The following ARHGEF4 variants were observed in gnomAD, a reference collection of about 807,000 sequenced individuals.
ARHGEF4 encodes Rho guanine nucleotide exchange factor 4.
A neutral mutation model predicts 162.0 loss-of-function variants in ARHGEF4; 119 were observed. The ratio of observed to expected loss-of-function variants is 0.73; its 90% confidence interval spans 0.63 to 0.86. The LOEUF (loss-of-function observed/expected upper bound fraction) is 0.86. Ranked by LOEUF, ARHGEF4 falls within the 40% of genes least tolerant of loss-of-function variation. The pLI, the probability that ARHGEF4 is intolerant of heterozygous loss-of-function variation, is 0.00. For missense variants in ARHGEF4, 2,488 were observed against 2,456.0 expected, an observed-to-expected ratio of 1.01 and a Z score of -0.28; for synonymous variants, 1,014 against 979.9, an observed-to-expected ratio of 1.03 and a Z score of -0.65.
chr2:131,025,183 G>A (rs76726376), intron 4 of ARHGEF4, among the ~76,000 whole-genome samples: 6,893 of 152,278 alleles, frequency 0.045, 141 homozygotes, highest in Non-Finnish European at 0.058. Flanking sequence ...AGATCACAGC[G>A]GAAGGTGAAG....
chr2:131,006,211 G>A (rs929164122), intron 4 of ARHGEF4, among the ~76,000 whole-genome samples: 2 of 152,132 alleles, frequency 1.3e-5, no homozygotes, highest in Non-Finnish European at 2.9e-5. Flanking sequence ...ATGAGACTGC[G>A]AGTTGATTCA....
At chr2:131,031,536 G>A (rs549444501) in intron 5 of ARHGEF4, among the ~76,000 whole-genome samples, 4 of 152,244 alleles carry the variant, frequency 2.6e-5, no homozygotes, top group African/African-American at 7.2e-5. Context: ...CCCACAGGCC[G>A]TGTCTGTGTG....
At chr2:130,940,069 A>G (rs536885412) in intron 3 of ARHGEF4, among the ~76,000 whole-genome samples, 30 of 152,210 alleles carry the variant, frequency 2.0e-4, no homozygotes, top group African/African-American at 6.7e-4. Flanking sequence ...TCTAGTGTGT[A>G]TTCTTTTTAT....
chr2:131,039,757 G>A (rs573687737), intron 6 of ARHGEF4: 4 of 1,369,196 alleles, frequency 2.9e-6, no homozygotes, highest in African/African-American at 1.5e-5. Flanking sequence ...CCTCTGTGCC[G>A]GGCACAAGCA....
intron 8 of ARHGEF4, among the ~76,000 whole-genome samples, chr2:131,040,742 A>G (rs939564568): frequency 2.0e-5 from 3 of 152,330 alleles, no homozygotes; most frequent in African/African-American, 7.2e-5. Flanking sequence ...GGGGCTGTTC[A>G]GAGTGAGCTC....
intron 1 of ARHGEF4, among the ~76,000 whole-genome samples, chr2:130,905,058 G>A (rs1212202567): frequency 2.0e-5 from 3 of 152,182 alleles, no homozygotes; most frequent in African/African-American, 7.2e-5. Context: ...CAGCCTAGGC[G>A]ACAGAGTGAG....
Position 130,912,242 on chromosome 2 carries a change from C to CT in ARHGEF4, c.40-1743dup, listed in dbSNP as rs566055205. Among the ~76,000 whole-genome samples the CT allele has an allele frequency of 8.7e-4, 133 of 152,370 alleles. 4 individuals are homozygous for CT. The South Asian group carries it at 0.018, about 20-fold the overall frequency. ...TGGGAGGTAGGCACGCTGAAGGCGT[C>CT]TGGCCCTGCCGTACAGTCAGGGCGC... On this transcript the variant is annotated intron_variant, in intron 1 of 13. Transcript: ENST00000409359.
intron 1 of ARHGEF4, among the ~76,000 whole-genome samples, chr2:130,866,756 C>G (rs1160614179): frequency 6.6e-6 from 1 of 152,152 alleles, no homozygotes. Flanking sequence ...TCTTTTGATA[C>G]ATTGGTGGAT....
chr2:130,952,130 G>A (rs1683995426), intron 4 of ARHGEF4, among the ~76,000 whole-genome samples: 1 of 152,024 alleles, frequency 6.6e-6, no homozygotes, highest in Non-Finnish European at 1.5e-5. Context: ...TTGTATTCAT[G>A]TGGATTTACA....
At chr2:131,021,357 C>T (rs996490178) in intron 4 of ARHGEF4, among the ~76,000 whole-genome samples, 2 of 152,056 alleles carry the variant, frequency 1.3e-5, no homozygotes, top group Admixed American at 6.5e-5. Flanking sequence ...TTTGACAAAC[C>T]TGACAAAAAC....
chr2:130,867,906 G>A (rs1201331384), intron 1 of ARHGEF4, among the ~76,000 whole-genome samples: 3 of 151,688 alleles, frequency 2.0e-5, no homozygotes, highest in Non-Finnish European at 4.4e-5. Flanking sequence ...GTGGGAGCAA[G>A]GTGGATGTGT....
Position 130,983,332 on chromosome 2 carries a change from A to G in ARHGEF4, c.3985+36697A>G, listed in dbSNP as rs920848024. Among the ~76,000 whole-genome samples, 11 of 152,372 alleles carry G rather than the reference A, an allele frequency of 7.2e-5. No homozygotes were observed. The East Asian group carries it at 2.1e-3, about 29-fold the overall frequency. Reference sequence around the variant, plus strand: ...GGCATTGTCACTAATAACTCAGAAGATTCAGCTGTTTTCATTAAACCAATA... The same window carrying G: ...GGCATTGTCACTAATAACTCAGAAGGTTCAGCTGTTTTCATTAAACCAATA... On this transcript the variant is annotated intron_variant, in intron 4 of 13. Coordinates refer to ENST00000409359, the MANE Select transcript of ARHGEF4 (RefSeq NM_001367493.1).
chr2:130,962,627 G>C (rs759580496), intron 4 of ARHGEF4, among the ~76,000 whole-genome samples: 2 of 152,146 alleles, frequency 1.3e-5, no homozygotes, highest in Non-Finnish European at 2.9e-5. Flanking sequence ...ACAGGAAATG[G>C]ACCCCAGTGG....
intron 2 of ARHGEF4, among the ~76,000 whole-genome samples, 162 bp downstream of exon 2, chr2:130,917,660 G>C (rs1038647428): frequency 1.5e-4 from 23 of 151,754 alleles, no homozygotes; most frequent in Non-Finnish European, 3.1e-4. Flanking sequence ...TGAACACAGC[G>C]GGTGACCAAC....
chr2:130,998,697 AGTTT>A (rs1233427142), intron 4 of ARHGEF4, among the ~76,000 whole-genome samples: 2 of 152,126 alleles, frequency 1.3e-5, no homozygotes, highest in African/African-American at 2.4e-5. Context: ...TATGTATCAC[AGTTT>A]GTTTATCCAT....
intron 9 of ARHGEF4, 77 bp downstream of exon 9, chr2:131,041,539 T>C: frequency 2.2e-6 from 3 of 1,390,344 alleles, no homozygotes; most frequent in Non-Finnish European, 2.9e-6. Context: ...ATTAGCAGTG[T>C]GCTGGGCACT....
intron 2 of ARHGEF4, among the ~76,000 whole-genome samples, chr2:130,921,322 C>T (rs1016319539): frequency 6.6e-6 from 1 of 152,062 alleles, no homozygotes; most frequent in Admixed American, 6.6e-5. Flanking sequence ...TGAATTGCTC[C>T]GAATCATCAT....
At chr2:130,999,565 T>A (rs1558831428) in intron 4 of ARHGEF4, among the ~76,000 whole-genome samples, 1 of 152,240 alleles carries the variant, frequency 6.6e-6, no homozygotes, top group Non-Finnish European at 1.5e-5. Context: ...CTTAATGTGC[T>A]AACATTTTGA....
At chr2:131,016,213 G>A (rs1346317991) in intron 4 of ARHGEF4, among the ~76,000 whole-genome samples, 1 of 152,154 alleles carries the variant, frequency 6.6e-6, no homozygotes, top group African/African-American at 2.4e-5. Context: ...GCCTGGTTGG[G>A]CCTCCTGTGC....
Sources: gnomAD v4.1 joint callset for allele counts (sites outside exome capture counted in the v4.1 genomes callset) on GRCh38, gnomAD v4.1.1 for gene constraint, MANE v1.5 for transcripts, NCBI Gene and HGNC (gene_info 2026-07-23, HGNC 2026-07-21) for gene names.